The following NPHP4 variants were observed in gnomAD, a reference collection of about 807,000 sequenced individuals.
The protein encoded by NPHP4 is nephrocystin-4.
In NPHP4, 151 loss-of-function variants were observed where a neutral mutation model predicts 155.8. That is an observed-to-expected ratio of 0.97 (90% confidence interval 0.85 to 1.11). The LOEUF (loss-of-function observed/expected upper bound fraction) is 1.11. Among genes scored for constraint, NPHP4 ranks in the 50% least tolerant of loss-of-function variants. NPHP4 has a pLI of 0.00. For synonymous variants in NPHP4, 845 were observed against 816.8 expected (o/e 1.03, Z -0.59); for missense variants, 1,956 against 1,925.7 (o/e 1.02, Z -0.29).
At chr1:5,977,614 G>A (rs1259790954) in intron 3 of NPHP4, among the ~76,000 whole-genome samples, 1 of 151,610 alleles carries the variant, frequency 6.6e-6, no homozygotes, top group Non-Finnish European at 1.5e-5. Context: ...ATGCCCTGCA[G>A]AGAGCAGGTG....
intron 1 of NPHP4, among the ~76,000 whole-genome samples, chr1:5,991,858 G>A (rs1656386674): frequency 1.3e-5 from 2 of 150,558 alleles, no homozygotes; most frequent in African/African-American, 4.9e-5. Flanking sequence ...GGACTAGGGC[G>A]CGGGGAGCCA....
In NPHP4 at chr1:5,904,932, G is replaced by T. The variant is rs558696778; in HGVS notation, c.1956-128C>A. The T allele has an allele frequency of 3.3e-4, 276 of 843,868 alleles. 1 individual carries two copies. The highest frequency in any genetic ancestry group is 2.3e-3 in the African/African-American group (136 of 59,646). The allele number at this position is 843,868 out of a possible 1,614,324, so 52.3% of individuals were successfully genotyped here. A position where few individuals can be genotyped will look rare whatever the true frequency, so the allele number is the denominator to read the frequency against. On this transcript the variant is annotated intron_variant, in intron 15 of 29. Transcript: ENST00000378156. The stretch of plus-strand genomic sequence containing the variant: ...TGGGGAACAGTAAAGAGGCTGCCGT[G>T]GTCACCAATGCAACCGCTTTGCTGT...
At chr1:5,901,766 G>A (rs1644694203) in intron 16 of NPHP4, among the ~76,000 whole-genome samples, 1 of 152,328 alleles carries the variant, frequency 6.6e-6, no homozygotes, top group Admixed American at 6.5e-5. Context: ...TGGGGAATGA[G>A]TCTTCAGCAG....
chr1:5,881,779 G>A (rs1378827220), intron 18 of NPHP4: 3 of 152,208 alleles, frequency 2.0e-5, no homozygotes, highest in South Asian at 2.1e-4. Flanking sequence ...TGCTCTCTCC[G>A]GATCTCAGTC....
At chr1:5,977,522 A>G (rs1050060729) in intron 3 of NPHP4, among the ~76,000 whole-genome samples, 1 of 151,626 alleles carries the variant, frequency 6.6e-6, no homozygotes, top group African/African-American at 2.4e-5. Flanking sequence ...ACTTGCAATT[A>G]CTCTGTTACC....
intron 16 of NPHP4, among the ~76,000 whole-genome samples, chr1:5,891,230 C>T (rs924116714): frequency 4.6e-5 from 7 of 152,190 alleles, no homozygotes; most frequent in African/African-American, 1.4e-4. Context: ...ACATTTCTTT[C>T]GCATAGAAAC....
chr1:5,927,300 G>A (rs1023653200), intron 11 of NPHP4, among the ~76,000 whole-genome samples: 1 of 152,206 alleles, frequency 6.6e-6, no homozygotes, highest in Non-Finnish European at 1.5e-5. Context: ...CTTCAACAGT[G>A]CAAACGCAAG....
rs1031422639 is a variant in NPHP4 at position 5,991,856 on chromosome 1, G to A, written c.-39+388C>T. Among the ~76,000 whole-genome samples the A allele has an allele frequency of 4.0e-5, 6 of 150,792 alleles. 1 individual carries two copies. Among genetic ancestry groups the A allele is most frequent in the Admixed American group, 2.6e-4 (4 of 15,226 alleles). Reference sequence around the variant, plus strand: ...CTGGGAAGGATGCGCGCGGACTAGGGCGCGGGGAGCCAAGGCCCAGAACAT... The same window carrying A: ...CTGGGAAGGATGCGCGCGGACTAGGACGCGGGGAGCCAAGGCCCAGAACAT... On this transcript the variant is annotated intron_variant, in intron 1 of 29. Coordinates refer to ENST00000378156, the MANE Select transcript of NPHP4 (RefSeq NM_015102.5).
chr1:5,909,193 G>A lies in NPHP4; in HGVS notation c.1462C>T (p.Arg488Ter), dbSNP rs778043242. 4.8e-5 allele frequency: 77 copies of A among 1,604,058 alleles called. 1 individual carries two copies. Among genetic ancestry groups the A allele is most frequent in the African/African-American group, 4.0e-5 (3 of 74,750 alleles). ...SPSSPPAPVP[R>*]VLAAPQNSPV... ...GAGTTCTGCGGGGCAGCGAGAACTC[G>A]AGGTACTGGCGCTGGCGGGCCTGGG... is the stretch of plus-strand genomic sequence containing the variant. Residue 488 changes from arginine (R) to a stop codon, truncating the protein, a stop_gained, in exon 12 of 30, where the codon CGA (arginine) becomes TGA (stop). Coordinates refer to ENST00000378156, the MANE Select transcript of NPHP4 (RefSeq NM_015102.5). LOFTEE classifies it high-confidence loss of function.
chr1:5,960,106 T>A (rs1179686571), intron 6 of NPHP4, among the ~76,000 whole-genome samples: 1 of 152,186 alleles, frequency 6.6e-6, no homozygotes, highest in African/African-American at 2.4e-5. Context: ...TCAACAGCAG[T>A]GACAATGAGG....
intron 2 of NPHP4, among the ~76,000 whole-genome samples, chr1:5,981,898 T>C (rs1654766786): frequency 1.3e-5 from 2 of 152,186 alleles, no homozygotes; most frequent in African/African-American, 4.8e-5. Context: ...GTACTTTTTT[T>C]TGTAGTGCCC....
intron 6 of NPHP4, among the ~76,000 whole-genome samples, chr1:5,959,462 A>C (rs1649897087): frequency 6.6e-6 from 1 of 152,162 alleles, no homozygotes; most frequent in South Asian, 2.1e-4. Flanking sequence ...TAGGAACAAA[A>C]CCAGGCCTGT....
At chr1:5,930,853 C>A (rs1646237681) in intron 10 of NPHP4, among the ~76,000 whole-genome samples, 1 of 152,180 alleles carries the variant, frequency 6.6e-6, no homozygotes, top group Non-Finnish European at 1.5e-5. Context: ...TCTTTGTTTA[C>A]TTAGAGAGGA....
intron 11 of NPHP4, among the ~76,000 whole-genome samples, chr1:5,925,868 G>T (rs1213111154): frequency 6.6e-6 from 1 of 152,206 alleles, no homozygotes; most frequent in Non-Finnish European, 1.5e-5. Context: ...ACCTGCCTCG[G>T]CCTCCCAAAG....
At chr1:5,939,835 C>T (rs925437090) in intron 9 of NPHP4, among the ~76,000 whole-genome samples, 2 of 152,144 alleles carry the variant, frequency 1.3e-5, no homozygotes, top group African/African-American at 2.4e-5. Context: ...AACTTGGGAG[C>T]AAGAAGCTTT....
At chr1:5,887,991 G>A (rs1643909115) in intron 17 of NPHP4, among the ~76,000 whole-genome samples, 1 of 152,238 alleles carries the variant, frequency 6.6e-6, no homozygotes, top group South Asian at 2.1e-4. Flanking sequence ...ACAGGGTACA[G>A]GGTACAATGC....
intron 9 of NPHP4, among the ~76,000 whole-genome samples, chr1:5,934,991 C>G (rs1570513715): frequency 6.6e-6 from 1 of 152,324 alleles, no homozygotes; most frequent in East Asian, 1.9e-4. Context: ...CCACACAGAT[C>G]CCCGCATGCA....
At chr1:5,959,162 G>A (rs183722462) in intron 6 of NPHP4, among the ~76,000 whole-genome samples, 31 of 152,210 alleles carry the variant, frequency 2.0e-4, no homozygotes, top group Non-Finnish European at 3.4e-4. Context: ...CATGGCGTGT[G>A]CTCACCCTGC....
At chr1:5,884,350 T>TA (rs1481370865) in intron 18 of NPHP4, among the ~76,000 whole-genome samples, 1 of 152,096 alleles carries the variant, frequency 6.6e-6, no homozygotes, top group African/African-American at 2.4e-5. Flanking sequence ...CACAGACGCT[T>TA]AGCCTGTGGG....
Sources: gnomAD v4.1 joint callset for allele counts (sites outside exome capture counted in the v4.1 genomes callset) on GRCh38, gnomAD v4.1.1 for gene constraint, MANE v1.5 for transcripts, NCBI Gene and HGNC (gene_info 2026-07-23, HGNC 2026-07-21) for gene names.